SYTL5: variants seen among roughly 807,000 people sequenced by gnomAD.
SYTL5 encodes synaptotagmin-like protein 5.
Under a neutral mutation model 55.9 loss-of-function variants are expected in SYTL5, and 34 were observed. The observed-to-expected ratio is 0.61, with a 90% CI of 0.46 to 0.81. The LOEUF is 0.81. Ranked by LOEUF, SYTL5 falls within the 30% of genes least tolerant of loss-of-function variation. The pLI, the probability that SYTL5 is intolerant of heterozygous loss-of-function variation, is 0.00. For missense variants in SYTL5, 637 were observed against 546.7 expected (o/e 1.17, Z -1.65); for synonymous variants, 221 against 188.7 (o/e 1.17, Z -1.40).
intron 1 of SYTL5, among the ~76,000 whole-genome samples, chrX:38,010,304 G>A (rs1466973587): frequency 8.9e-6 from 1 of 111,850 alleles, no homozygotes; most frequent in Non-Finnish European, 1.9e-5. Context: ...TGAAAGCCAG[G>A]TATTAGAACT....
chrX:37,948,387 A>G, the SYTL5 span, among the ~76,000 whole-genome samples: 3 of 110,566 alleles, frequency 2.7e-5, no homozygotes, highest in Non-Finnish European at 5.7e-5. Context: ...AAAAAAGCAT[A>G]TATCATTTCA....
chrX:38,070,332 T>C (rs1292235121), intron 3 of SYTL5, among the ~76,000 whole-genome samples: 1 of 110,971 alleles, frequency 9.0e-6, no homozygotes, highest in Non-Finnish European at 1.9e-5. Context: ...GAAATGCCTA[T>C]TTGACTCTCA....
Position 38,102,440 on chromosome X carries a change from C to A in SYTL5, c.1155+6C>A. 1 of 1,157,634 alleles carries A rather than the reference C, an allele frequency of 8.6e-7. No homozygotes were observed. The highest frequency in any genetic ancestry group is 1.2e-6 in the Non-Finnish European group (1 of 847,122). On this transcript the variant is annotated splice_donor_region_variant and intron_variant, in intron 10 of 16. Coordinates refer to ENST00000297875, the MANE Select transcript of SYTL5 (RefSeq NM_138780.3). The stretch of plus-strand genomic sequence containing the variant: ...TGGCAAGTGGCCTATCAACTGTAAG[C>A]AGTTCACTAGGACATGTGGAAAGTT...
At chrX:38,035,774 A>G (rs757736078) in intron 2 of SYTL5, among the ~76,000 whole-genome samples, 1 of 109,266 alleles carries the variant, frequency 9.2e-6, no homozygotes, top group African/African-American at 3.3e-5. Context: ...GCACGCCTGT[A>G]GTCCCAGCTA....
the SYTL5 span, among the ~76,000 whole-genome samples, chrX:37,963,450 G>A: frequency 5.4e-5 from 6 of 110,417 alleles, no homozygotes; most frequent in South Asian, 3.8e-4. Flanking sequence ...CAACACGCCC[G>A]GCTTATTTTT....
rs1937273544 is a variant in SYTL5, at chrX:38,108,592, A to G, written c.1335-8A>G. 1 of 1,129,457 alleles carries G rather than the reference A, an allele frequency of 8.9e-7. No individual in the cohort carries two copies. The highest frequency in any genetic ancestry group is 1.8e-5 in the African/African-American group (1 of 54,314). The allele number at this position is 1,129,457 out of a possible 1,213,427, so 93.1% of individuals were successfully genotyped here. A position where few individuals can be genotyped will look rare whatever the true frequency, so the allele number is the denominator to read the frequency against. ...ACAATAATTACATTTATATTTTCTTATCTATAGTTATGTCAAGTCATATCT... is the reference window on the plus strand; with the variant it reads ...ACAATAATTACATTTATATTTTCTTGTCTATAGTTATGTCAAGTCATATCT... On this transcript the variant is annotated splice_polypyrimidine_tract_variant and splice_region_variant and intron_variant, in intron 11 of 16. Coordinates refer to ENST00000297875, the MANE Select transcript of SYTL5 (RefSeq NM_138780.3).
chrX:38,062,266 C>T (rs1023400233), intron 3 of SYTL5, among the ~76,000 whole-genome samples: 5 of 111,655 alleles, frequency 4.5e-5, no homozygotes, highest in Non-Finnish European at 7.5e-5. Context: ...CACTGTGTCC[C>T]GCCAAAACAT....
chrX:38,005,062 T>A (rs1933956987), upstream of SYTL5, among the ~76,000 whole-genome samples: 1 of 110,986 alleles, frequency 9.0e-6, no homozygotes, highest in Admixed American at 9.6e-5. Context: ...CTACTATTTT[T>A]CCATAAAAAT....
At chrX:37,908,294 C>T in the SYTL5 span, among the ~76,000 whole-genome samples, 1 of 111,260 alleles carries the variant, frequency 9.0e-6, no homozygotes, top group East Asian at 2.8e-4. Context: ...TGACAGGAAA[C>T]GGGGTGGAAA....
intron 13 of SYTL5, among the ~76,000 whole-genome samples, chrX:38,114,029 G>T (rs1298162011): frequency 9.0e-6 from 1 of 111,102 alleles, no homozygotes; most frequent in Non-Finnish European, 1.9e-5. Context: ...ACATCCTTAA[G>T]CCTCCTTCAC....
chrX:38,120,503 C>A (rs1273864762), intron 14 of SYTL5, 37 bp downstream of exon 14: 2 of 1,054,640 alleles, frequency 1.9e-6, no homozygotes. Flanking sequence ...CAATGACATT[C>A]TGTTTCTAGA....
chrX:38,072,602 A>G (rs1444356259), intron 4 of SYTL5, among the ~76,000 whole-genome samples: 2 of 111,973 alleles, frequency 1.8e-5, no homozygotes, highest in Non-Finnish European at 3.8e-5. Flanking sequence ...GATAATATGT[A>G]CCTTGTCTCC....
intron 2 of SYTL5, among the ~76,000 whole-genome samples, chrX:38,037,074 A>G (rs1224317078): frequency 9.0e-6 from 1 of 111,452 alleles, no homozygotes; most frequent in African/African-American, 3.3e-5. Flanking sequence ...GAAGTACAAA[A>G]TTACCTTCGG....
chrX:37,943,946 C>A, the SYTL5 span, among the ~76,000 whole-genome samples: 976 of 111,184 alleles, frequency 8.8e-3, 12 homozygotes, highest in African/African-American at 0.03. Flanking sequence ...TTTTCTCTCC[C>A]ATGGCCTCAT....
At chrX:38,113,439 G>A (rs1267739783) in intron 13 of SYTL5, among the ~76,000 whole-genome samples, 2 of 111,799 alleles carry the variant, frequency 1.8e-5, no homozygotes, top group Non-Finnish European at 3.8e-5. Context: ...ACTTTTGTCT[G>A]TAATTCCTTA....
the SYTL5 span, among the ~76,000 whole-genome samples, chrX:37,995,366 T>C: frequency 8.9e-6 from 1 of 112,005 alleles, no homozygotes; most frequent in South Asian, 3.8e-4. Flanking sequence ...TACATGGAGA[T>C]TGTGTTGGGA....
rs765037039 is a variant in SYTL5, at chrX:38,106,702, G to A, written c.1265G>A (p.Gly422Glu). Residue 422 changes from glycine (G) to glutamate (E), a missense_variant, in exon 11 of 17, where the codon GGG becomes GAG. Coordinates refer to ENST00000297875, the MANE Select transcript of SYTL5 (RefSeq NM_138780.3). ...ATCAGCTACTGCTACAAAACTGGTGGGCTGTACATTTTTGTCAAGAATTGC... is the reference window on the plus strand; with the variant it reads ...ATCAGCTACTGCTACAAAACTGGTGAGCTGTACATTTTTGTCAAGAATTGC... ...LHISYCYKTG[G>E]LYIFVKNCRN... 1.4e-5 allele frequency: 17 copies of A among 1,206,886 alleles called. No homozygotes were observed. Among genetic ancestry groups the A allele is most frequent in the Admixed American group, 2.2e-5 (1 of 45,222 alleles).
chrX:37,908,395 T>C, the SYTL5 span, among the ~76,000 whole-genome samples: 1 of 111,784 alleles, frequency 8.9e-6, no homozygotes, highest in Non-Finnish European at 1.9e-5. Flanking sequence ...TTTTATCTCA[T>C]TGGCAATATC....
chrX:38,035,634 C>A (rs1055634610), intron 2 of SYTL5, among the ~76,000 whole-genome samples: 3 of 109,654 alleles, frequency 2.7e-5, no homozygotes, highest in African/African-American at 1.0e-4. Flanking sequence ...TGGTGGCTCA[C>A]GCCTGTAATC....
Sources: gnomAD v4.1 joint callset for allele counts (sites outside exome capture counted in the v4.1 genomes callset) on GRCh38, gnomAD v4.1.1 for gene constraint, MANE v1.5 for transcripts, NCBI Gene and HGNC (gene_info 2026-07-23, HGNC 2026-07-21) for gene names.